The following SGK1 variants were observed in gnomAD, a reference collection of about 807,000 sequenced individuals.
The protein encoded by SGK1 is serum/glucocorticoid regulated kinase 1.
SGK1 carries 26 observed loss-of-function variants against 64.2 expected under a neutral mutation model. The ratio of observed to expected loss-of-function variants is 0.40; its 90% CI spans 0.30 to 0.56. The LOEUF is 0.56. Among genes scored for constraint, SGK1 ranks in the 20% least tolerant of loss-of-function variants. The probability of loss-of-function intolerance (pLI) is 0.38; values close to 1 mark genes in which losing one functional copy is unlikely to be tolerated. For synonymous variants in SGK1, 265 were observed against 239.7 expected (o/e 1.11, Z -0.98); for missense variants, 519 against 645.6 (o/e 0.80, Z 2.12).
At chr6:134,246,524 C>T (rs1355590047) in intron 2 of SGK1, among the ~76,000 whole-genome samples, 3 of 152,044 alleles carry the variant, frequency 2.0e-5, no homozygotes, top group African/African-American at 2.4e-5. Flanking sequence ...CAGAGATAAA[C>T]GAAGTAAATG....
At chr6:134,311,240 G>C (rs1384258012) in intron 1 of SGK1, among the ~76,000 whole-genome samples, 1 of 152,184 alleles carries the variant, frequency 6.6e-6, no homozygotes, top group Non-Finnish European at 1.5e-5. Flanking sequence ...AATGACTTAG[G>C]GGCAAGTAAT....
chr6:134,257,938 C>T (rs1776709092), intron 2 of SGK1, among the ~76,000 whole-genome samples: 1 of 152,148 alleles, frequency 6.6e-6, no homozygotes, highest in Non-Finnish European at 1.5e-5. Context: ...TAATCTGCAT[C>T]GGGAGATGTC....
intron 1 of SGK1, among the ~76,000 whole-genome samples, chr6:134,281,233 T>G (rs1582761114): frequency 6.6e-6 from 1 of 152,184 alleles, no homozygotes; most frequent in Non-Finnish European, 1.5e-5. Flanking sequence ...TTAGTGTTTA[T>G]CTTAGTATTT....
chr6:134,193,833 G>GGGA (rs1562246582), intron 3 of SGK1, among the ~76,000 whole-genome samples: 1 of 74,846 alleles, frequency 1.3e-5, no homozygotes, highest in Non-Finnish European at 2.8e-5. Context: ...GAGAGGGGAG[G>GGGA]GAAGGGGAGG....
intron 1 of SGK1, chr6:134,297,310 G>T: frequency 1.6e-6 from 2 of 1,232,198 alleles, no homozygotes; most frequent in Non-Finnish European, 2.4e-6. Flanking sequence ...TGGTACACAC[G>T]CAGCTATCGC....
chr6:134,194,605 G>A (rs1286991270), intron 3 of SGK1, among the ~76,000 whole-genome samples: 2 of 146,636 alleles, frequency 1.4e-5, no homozygotes, highest in Non-Finnish European at 3.0e-5. Context: ...TGCAACCTCC[G>A]CCGCCTCCCG....
chr6:134,247,362 A>G (rs964357826), intron 2 of SGK1, among the ~76,000 whole-genome samples: 3 of 152,108 alleles, frequency 2.0e-5, no homozygotes, highest in Admixed American at 1.3e-4. Flanking sequence ...TGCTTGTCAC[A>G]TGGCCTCAGT....
intron 2 of SGK1, among the ~76,000 whole-genome samples, chr6:134,232,038 C>CAAA (rs60207020): frequency 2.5e-4 from 26 of 102,542 alleles, no homozygotes; most frequent in African/African-American, 8.4e-4. Context: ...GACTTCATCT[C>CAAA]AAAAAAAAAA....
Position 134,223,063 on chromosome 6 carries a change from T to C in SGK1, c.286-15632A>G, listed in dbSNP as rs557946938. Among the ~76,000 whole-genome samples, 4 of 152,208 alleles carry C rather than the reference T, an allele frequency of 2.6e-5. No homozygotes were observed. The South Asian group carries it at 8.3e-4, about 32-fold the overall frequency. ...CCAAATATAGCTATTTTAGGGTCATTGTGCTGTATAAGGATGATATAAGAG... is the reference window on the plus strand; with the variant it reads ...CCAAATATAGCTATTTTAGGGTCATCGTGCTGTATAAGGATGATATAAGAG... On this transcript the variant is annotated intron_variant, in intron 2 of 13. Transcript: ENST00000367858.
At position 134,172,670 on chromosome 6, in the gene SGK1, G is replaced by A. The variant is rs894014198; in HGVS notation, c.939C>T (p.Ile313=). The A allele has an allele frequency of 2.4e-5, 39 of 1,604,972 alleles. No individual in the cohort carries two copies. The highest frequency in any genetic ancestry group is 5.5e-5 in the South Asian group (5 of 90,916). Residue 313 remains isoleucine (I), a synonymous_variant, in exon 9 of 14, where the codon ATC becomes ATT. Coordinates refer to ENST00000367858, the MANE Select transcript of SGK1 (RefSeq NM_001143676.3). ...SALGYLHSLN[I]VYRDLKPENI... Reference sequence around the variant, plus strand: ...AGAGCTCTCAGGCTTACCTATAAACGATGTTCAGTGAATGCAGGTAGCCCA... The same window carrying A: ...AGAGCTCTCAGGCTTACCTATAAACAATGTTCAGTGAATGCAGGTAGCCCA...
At chr6:134,317,113 T>C (rs1306483021) in intron 1 of SGK1, among the ~76,000 whole-genome samples, 1 of 152,188 alleles carries the variant, frequency 6.6e-6, no homozygotes, top group Non-Finnish European at 1.5e-5. Context: ...GTAATCTTTG[T>C]TGTGGCTTGA....
At chr6:134,282,359 A>T (rs1237520880) in intron 1 of SGK1, among the ~76,000 whole-genome samples, 1 of 152,130 alleles carries the variant, frequency 6.6e-6, no homozygotes. Flanking sequence ...GTTAACTTCT[A>T]AAAGAGTTTA....
At chr6:134,237,082 T>A (rs1440873473) in intron 2 of SGK1, among the ~76,000 whole-genome samples, 1 of 135,020 alleles carries the variant, frequency 7.4e-6, no homozygotes, top group Non-Finnish European at 1.6e-5. Flanking sequence ...TGAGATGGGG[T>A]CTCACTCCGT....
At position 134,317,672 on chromosome 6, in the gene SGK1, T is replaced by C. The variant is rs531534899; in HGVS notation, c.-212A>G. The stretch of plus-strand genomic sequence containing the variant: ...TTTCAGTTGCCACCGACAGCGGCTT[T>C]TCTCCTTCCATCATTGCTCCGAAAC... On this transcript the variant is annotated 5_prime_UTR_variant, in exon 1 of 14. Transcript: ENST00000367858. 1.7e-6 allele frequency: 1 copy of C among 581,140 alleles called. No homozygotes were observed. The highest frequency in any genetic ancestry group is 2.9e-5 in the East Asian group (1 of 35,012). 36.0% of individuals were successfully genotyped at this position (581,140 alleles called of 1,614,324 possible).
At chr6:134,300,106 C>T (rs879319870) in intron 1 of SGK1, among the ~76,000 whole-genome samples, 5 of 152,148 alleles carry the variant, frequency 3.3e-5, no homozygotes, top group Non-Finnish European at 7.4e-5. Flanking sequence ...GCCTTCTTCC[C>T]TCAGGAAAAC....
chr6:134,224,055 A>C (rs1776131956), intron 2 of SGK1, among the ~76,000 whole-genome samples: 1 of 152,276 alleles, frequency 6.6e-6, no homozygotes, highest in African/African-American at 2.4e-5. Flanking sequence ...TTTTTTTAAG[A>C]TTACATTTGG....
intron 5 of SGK1, 22 bp from the exon 6 acceptor site, chr6:134,173,588 T>A: frequency 7.0e-7 from 1 of 1,430,850 alleles, no homozygotes. Context: ...AAAAAAGAAT[T>A]TCTTTTAATA....
intron 2 of SGK1, among the ~76,000 whole-genome samples, chr6:134,222,890 C>T (rs186428689): frequency 1.3e-5 from 2 of 152,244 alleles, no homozygotes; most frequent in Admixed American, 6.5e-5. Flanking sequence ...AATAACAGTG[C>T]TAAGTTCCTA....
chr6:134,194,977 T>C (rs1775575217), intron 3 of SGK1, among the ~76,000 whole-genome samples: 1 of 152,204 alleles, frequency 6.6e-6, no homozygotes, highest in South Asian at 2.1e-4. Flanking sequence ...TCCACTAGAC[T>C]TTTTGATCTG....
Sources: gnomAD v4.1 joint callset for allele counts (sites outside exome capture counted in the v4.1 genomes callset) on GRCh38, gnomAD v4.1.1 for gene constraint, MANE v1.5 for transcripts, NCBI Gene and HGNC (gene_info 2026-07-23, HGNC 2026-07-21) for gene names.